Variants in MSI2 observed in about 807,000 individuals in gnomAD.
MSI2 encodes RNA-binding protein Musashi homolog 2.
MSI2 carries 17 observed loss-of-function variants against 45.6 expected under a neutral mutation model. That is an observed-to-expected ratio of 0.37 (90% CI 0.26 to 0.56). MSI2 has a LOEUF of 0.56. MSI2 is among the 20% of genes least tolerant of loss of function. The pLI, the probability that MSI2 is intolerant of heterozygous loss-of-function variation, is 0.77. For synonymous variants in MSI2, 156 were observed against 158.2 expected, an observed-to-expected ratio of 0.99 and a Z score of 0.11; for missense variants, 293 against 444.2, an observed-to-expected ratio of 0.66 and a Z score of 3.06.
chr17:57,679,710 C>A lies in MSI2; in HGVS notation c.*193C>A. The A allele has an allele frequency of 4.9e-6, 3 of 609,394 alleles. No individual in the cohort carries two copies. The highest frequency in any genetic ancestry group is 6.5e-6 in the Non-Finnish European group (3 of 461,984). 37.7% of individuals were successfully genotyped at this position (609,394 alleles called of 1,614,324 possible). A position where few individuals can be genotyped will look rare whatever the true frequency, so the allele number is the denominator to read the frequency against. The stretch of plus-strand genomic sequence containing the variant: ...GACTACATCTCATCATCTCACGAAT[C>A]TGCTGTAATATAAGACAACAGCTTT... On this transcript the variant is annotated 3_prime_UTR_variant, in exon 14 of 14. Coordinates refer to ENST00000284073, the MANE Select transcript of MSI2 (RefSeq NM_138962.4).
intron 5 of MSI2, among the ~76,000 whole-genome samples, chr17:57,386,616 A>T (rs1319099990): frequency 6.6e-6 from 1 of 152,120 alleles, no homozygotes; most frequent in African/African-American, 2.4e-5. Flanking sequence ...TCCATTCTGG[A>T]GGGTGCATTG....
chr17:57,285,223 G>A lies in MSI2; in HGVS notation c.312+23031G>A, dbSNP rs1039005967. 4.6e-5 allele frequency among the ~76,000 whole-genome samples: 7 copies of A among 152,294 alleles called. No individual in the cohort carries two copies. The East Asian group carries it at 5.8e-4, about 13-fold the overall frequency. ...ATAGCAACAAACTTTCAGAGTAGCC[G>A]GAGTTTCAGGGGAGGGAGGGTTCTT... On this transcript the variant is annotated intron_variant, in intron 5 of 13. Coordinates refer to ENST00000284073, the MANE Select transcript of MSI2 (RefSeq NM_138962.4).
intron 6 of MSI2, among the ~76,000 whole-genome samples, chr17:57,525,358 C>G (rs1567877300): frequency 1.3e-5 from 2 of 152,142 alleles, no homozygotes; most frequent in Non-Finnish European, 2.9e-5. Context: ...AGTCATGGTT[C>G]ACTACAGCCT....
At chr17:57,403,417 C>T (rs1256750130) in intron 6 of MSI2, among the ~76,000 whole-genome samples, 1 of 152,208 alleles carries the variant, frequency 6.6e-6, no homozygotes, top group Non-Finnish European at 1.5e-5. Flanking sequence ...CATTGCTGCC[C>T]TTAGAACAGT....
intron 7 of MSI2, among the ~76,000 whole-genome samples, chr17:57,569,374 C>T (rs956111751): frequency 6.6e-6 from 1 of 152,192 alleles, no homozygotes; most frequent in Non-Finnish European, 1.5e-5. Flanking sequence ...TCTGCCCCAG[C>T]CTGGAGTTTT....
At chr17:57,573,285 T>C (rs935360944) in intron 7 of MSI2, among the ~76,000 whole-genome samples, 1 of 152,230 alleles carries the variant, frequency 6.6e-6, no homozygotes, top group African/African-American at 2.4e-5. Context: ...ATAGTATTAA[T>C]GACCAGCAAC....
chr17:57,691,212 T>TC, the MSI2 span, among the ~76,000 whole-genome samples: 4 of 113,354 alleles, frequency 3.5e-5, no homozygotes, highest in South Asian at 2.3e-4. Flanking sequence ...TCTATCTATC[T>TC]ATCTATCTAT....
intron 10 of MSI2, among the ~76,000 whole-genome samples, chr17:57,638,980 A>G (rs1910044382): frequency 6.6e-6 from 1 of 152,132 alleles, no homozygotes; most frequent in African/African-American, 2.4e-5. Context: ...AGCAGATTGG[A>G]CATCTGGTGA....
chr17:57,320,635 AGG>A (rs1913255314), intron 5 of MSI2, among the ~76,000 whole-genome samples: 1 of 152,148 alleles, frequency 6.6e-6, no homozygotes, highest in South Asian at 2.1e-4. Flanking sequence ...TGATGCCCAA[AGG>A]GGATGAATAA....
At chr17:57,367,565 C>G (rs756440830) in intron 5 of MSI2, among the ~76,000 whole-genome samples, 4 of 152,172 alleles carry the variant, frequency 2.6e-5, no homozygotes, top group Non-Finnish European at 5.9e-5. Context: ...TCAAAGCTGC[C>G]TCAGGCTTTT....
At chr17:57,416,169 A>G (rs911296077) in intron 6 of MSI2, among the ~76,000 whole-genome samples, 3 of 152,222 alleles carry the variant, frequency 2.0e-5, no homozygotes, top group Non-Finnish European at 2.9e-5. Flanking sequence ...GGTGTCCCCA[A>G]GCACTCAGTG....
At chr17:57,403,993 T>TACACCCCCTGTGC (rs1418717394) in intron 6 of MSI2, among the ~76,000 whole-genome samples, 1 of 152,118 alleles carries the variant, frequency 6.6e-6, no homozygotes, top group African/African-American at 2.4e-5. Flanking sequence ...CACACATGTG[T>TACACCCCCTGTGC]ACACCCCCTG....
chr17:57,664,213 A>G lies in MSI2; in HGVS notation c.791-10759A>G, dbSNP rs570590568. ...TGGAGATAGGAACAGGGACAGTGACAGTGCCTTAAGATCTGAGAGAACAGG... is the reference window on the plus strand; with the variant it reads ...TGGAGATAGGAACAGGGACAGTGACGGTGCCTTAAGATCTGAGAGAACAGG... On this transcript the variant is annotated intron_variant, in intron 11 of 13. Coordinates refer to ENST00000284073, the MANE Select transcript of MSI2 (RefSeq NM_138962.4). Among the ~76,000 whole-genome samples the G allele has an allele frequency of 2.6e-5, 4 of 152,354 alleles. No homozygotes were observed. In the South Asian group the frequency reaches 6.2e-4, roughly 24 times the overall value.
At chr17:57,694,111 G>A in the MSI2 span, among the ~76,000 whole-genome samples, 4 of 152,284 alleles carry the variant, frequency 2.6e-5, no homozygotes, top group South Asian at 6.2e-4. Flanking sequence ...TTGAATAGTT[G>A]CAACAGAGCC....
At chr17:57,677,427 G>A (rs1319339038) in intron 13 of MSI2, among the ~76,000 whole-genome samples, 3 of 152,180 alleles carry the variant, frequency 2.0e-5, no homozygotes, top group African/African-American at 7.2e-5. Flanking sequence ...GATAGAGGCA[G>A]GGAAGCATTG....
intron 6 of MSI2, among the ~76,000 whole-genome samples, chr17:57,472,931 C>T (rs1181769516): frequency 1.3e-5 from 2 of 151,088 alleles, no homozygotes; most frequent in East Asian, 1.9e-4. Flanking sequence ...TTGCTCTTGT[C>T]GCCCAGGCTG....
At chr17:57,616,757 C>T (rs73314725) in intron 9 of MSI2, 20 of 152,096 alleles carry the variant, frequency 1.3e-4, no homozygotes, top group African/African-American at 4.8e-4. Context: ...GTCCGTCCTG[C>T]GTAGATAATT....
intron 13 of MSI2, among the ~76,000 whole-genome samples, chr17:57,678,574 GCTCC>G (rs922083439): frequency 2.0e-5 from 3 of 152,114 alleles, no homozygotes; most frequent in Non-Finnish European, 2.9e-5. Context: ...GGCTGCCTGT[GCTCC>G]CTCCCTCCCT....
intron 11 of MSI2, among the ~76,000 whole-genome samples, chr17:57,665,797 G>A (rs955387795): frequency 1.3e-5 from 2 of 152,200 alleles, no homozygotes; most frequent in South Asian, 2.1e-4. Flanking sequence ...GGGTGGGGGA[G>A]GGGAGTTCTA....
Sources: gnomAD v4.1 joint callset for allele counts (sites outside exome capture counted in the v4.1 genomes callset) on GRCh38, gnomAD v4.1.1 for gene constraint, MANE v1.5 for transcripts, NCBI Gene and HGNC (gene_info 2026-07-23, HGNC 2026-07-21) for gene names.